The following USH2A variants were observed in gnomAD, a reference collection of about 807,000 sequenced individuals.
USH2A encodes usherin.
In USH2A, 443 loss-of-function variants were observed where a neutral mutation model predicts 538.9. The observed-to-expected ratio is 0.82, with a 90% CI of 0.76 to 0.89. USH2A has a LOEUF of 0.89. Among genes scored for constraint, USH2A ranks in the 40% least tolerant of loss-of-function variants. The pLI is 0.00. For synonymous variants in USH2A, 2,413 were observed against 2,273.5 expected (o/e 1.06, Z -1.75); for missense variants, 6,633 against 6,324.8 (o/e 1.05, Z -1.65).
In USH2A at chr1:216,196,676, G is replaced by A; in HGVS notation, c.4128C>T (p.Tyr1376=). ...GCTTCTCCCAGGAGATATTGAGAGA[G>A]TACGAAGAGAGGGGAAAGACTGAAG... ...IPPSVFPLSS[Y]SLNISWEKPA... The change falls in exon 19 of 72, where the codon TAC becomes TAT. Residue 1376 remains tyrosine (Y), a synonymous_variant. Transcript: ENST00000307340. 1 of 1,613,482 alleles carries A rather than the reference G, an allele frequency of 6.2e-7. No individual in the cohort carries two copies. Among genetic ancestry groups the A allele is most frequent in the Middle Eastern group, 1.7e-4 (1 of 6,054 alleles).
intron 47 of USH2A, among the ~76,000 whole-genome samples, chr1:215,836,464 TTATATA>T (rs1356176708): frequency 3.6e-5 from 1 of 27,914 alleles, no homozygotes; most frequent in Admixed American, 9.1e-4. Context: ...TGTATATATA[TTATATA>T]TATATATATA....
intron 57 of USH2A, 102 bp from the exon 58 acceptor site, chr1:215,758,854 C>G: frequency 7.7e-7 from 1 of 1,305,992 alleles, no homozygotes; most frequent in Non-Finnish European, 1.1e-6. Context: ...AAATTTGTGA[C>G]AAATTGCAAA....
chr1:215,859,127 T>G (rs2102433084), intron 44 of USH2A, among the ~76,000 whole-genome samples: 1 of 152,260 alleles, frequency 6.6e-6, no homozygotes, highest in South Asian at 2.1e-4. Context: ...GTCCCACTCT[T>G]ATAATCTCAT....
intron 37 of USH2A, among the ~76,000 whole-genome samples, chr1:215,948,956 G>C (rs1288830831): frequency 6.6e-6 from 1 of 152,022 alleles, no homozygotes; most frequent in East Asian, 1.9e-4. Flanking sequence ...TTCTGTTCAA[G>C]GTAAAAATGT....
At chr1:216,277,467 T>C (rs929565083) in intron 11 of USH2A, among the ~76,000 whole-genome samples, 3 of 152,162 alleles carry the variant, frequency 2.0e-5, no homozygotes, top group African/African-American at 7.2e-5. Context: ...TATTAATGGC[T>C]TGGCACCCCT....
intron 3 of USH2A, among the ~76,000 whole-genome samples, chr1:216,372,901 G>T (rs151127207): frequency 6.2e-4 from 94 of 152,226 alleles, no homozygotes; most frequent in Middle Eastern, 3.4e-3. Context: ...GAGAACAGAT[G>T]ATTTCCAAAA....
intron 14 of USH2A, among the ~76,000 whole-genome samples, chr1:216,231,261 T>TATATATATA (rs1558331830): frequency 1.2e-5 from 1 of 83,536 alleles, no homozygotes; most frequent in African/African-American, 4.1e-5. Flanking sequence ...ATATATATAA[T>TATATATATA]ATATATATAT....
chr1:216,070,184 A>T lies in USH2A; in HGVS notation c.5966T>A (p.Leu1989Gln). 1 of 1,614,038 alleles carries T rather than the reference A, an allele frequency of 6.2e-7. No homozygotes were observed. The highest frequency in any genetic ancestry group is 1.1e-5 in the South Asian group (1 of 91,088). Residue 1989 changes from leucine (L) to glutamine (Q), a missense_variant, in exon 30 of 72, where the codon CTG becomes CAG. Transcript: ENST00000307340. ...GGTGCTGTCCTCACTATAGGCTTTC[A>T]GAATGTACTTCTCAATTACACCTCT... ...VVRGVIEKYILKAYSEDSTRP... is the reference protein window; with the variant it reads ...VVRGVIEKYIQKAYSEDSTRP...
At chr1:215,813,710 T>C in intron 49 of USH2A, 26 bp downstream of exon 49, 1 of 1,613,664 alleles carries the variant, frequency 6.2e-7, no homozygotes, top group Non-Finnish European at 8.5e-7. Flanking sequence ...CCATAGTTTT[T>C]GAGTACACCT....
chr1:216,055,704 G>A (rs2030952545), intron 30 of USH2A, among the ~76,000 whole-genome samples: 1 of 152,188 alleles, frequency 6.6e-6, no homozygotes, highest in Admixed American at 6.5e-5. Context: ...TAGCCCAGGA[G>A]GGTGGGATTT....
chr1:216,170,605 A>G (rs2034258005), intron 21 of USH2A, among the ~76,000 whole-genome samples: 1 of 152,114 alleles, frequency 6.6e-6, no homozygotes, highest in African/African-American at 2.4e-5. Flanking sequence ...TCTGGATACT[A>G]CAATAGTCAA....
At chr1:216,278,693 G>A (rs1489164017) in intron 11 of USH2A, among the ~76,000 whole-genome samples, 3 of 152,060 alleles carry the variant, frequency 2.0e-5, no homozygotes, top group Non-Finnish European at 2.9e-5. Flanking sequence ...ATAAGCTAAG[G>A]AAACTTATGC....
Position 216,246,681 on chromosome 1 carries a change from A to C in USH2A, c.2713T>G (p.Leu905Val). 1.2e-6 allele frequency: 2 copies of C among 1,614,164 alleles called. No homozygotes were observed. The highest frequency in any genetic ancestry group is 1.7e-6 in the Non-Finnish European group (2 of 1,179,982). ...CAAATGGTCCCAGGTAATGTCCCCA[A>C]GGAATCACACTCACACATCTGGCAG... ...QHCQMCECDS[L>V]GTLPGTICDP... The change falls in exon 13 of 72, where the codon TTG (leucine) becomes GTG (valine). Residue 905 changes from leucine (L) to valine (V), a missense_variant. Physicochemically the swap from Leu to Val is conservative, Grantham distance 32 (BLOSUM62 1). Transcript: ENST00000307340.
intron 65 of USH2A, among the ~76,000 whole-genome samples, chr1:215,649,689 C>T (rs1296723284): frequency 6.6e-6 from 1 of 152,224 alleles, no homozygotes; most frequent in Non-Finnish European, 1.5e-5. Context: ...ACCTGACACT[C>T]TGGTCTCAGA....
chr1:216,020,606 A>T (rs1668823611), intron 32 of USH2A, among the ~76,000 whole-genome samples: 1 of 152,126 alleles, frequency 6.6e-6, no homozygotes, highest in South Asian at 2.1e-4. Context: ...TGACTGTCAG[A>T]CGGCCCCTAG....
In USH2A at chr1:216,046,436, A is replaced by G; in HGVS notation, c.6320T>C (p.Val2107Ala). 6 of 1,613,512 alleles carry G rather than the reference A, an allele frequency of 3.7e-6. No individual in the cohort carries two copies. The highest frequency in any genetic ancestry group is 5.1e-6 in the Non-Finnish European group (6 of 1,179,564). ...IYSGSEENYI[V>A]TDLAVFTPHQ... Reference sequence around the variant, plus strand: ...GATAACTCTAGAGGTCTTACCTGTGACTATGTAGTTCTCCTCACTGCCTGA... The same window carrying G: ...GATAACTCTAGAGGTCTTACCTGTGGCTATGTAGTTCTCCTCACTGCCTGA... The change falls in exon 32 of 72, where the codon GTC (valine) becomes GCC (alanine). Residue 2107 changes from valine to alanine, a missense_variant. Physicochemically the swap from Val to Ala is moderately conservative, Grantham distance 64 (BLOSUM62 0). Coordinates refer to ENST00000307340, the MANE Select transcript of USH2A (RefSeq NM_206933.4).
At chr1:215,768,710 G>A (rs1313694214) in intron 55 of USH2A, among the ~76,000 whole-genome samples, 1 of 152,192 alleles carries the variant, frequency 6.6e-6, no homozygotes, top group Non-Finnish European at 1.5e-5. Context: ...ATGAAACTCA[G>A]AGGTTGCAGT....
chr1:215,822,450 T>A (rs1663037643), intron 47 of USH2A, among the ~76,000 whole-genome samples: 1 of 151,968 alleles, frequency 6.6e-6, no homozygotes. Context: ...ATAACTGCTA[T>A]TGATTTCTGT....
At chr1:215,930,423 T>G (rs1408765118) in intron 38 of USH2A, among the ~76,000 whole-genome samples, 2 of 151,968 alleles carry the variant, frequency 1.3e-5, no homozygotes, top group Non-Finnish European at 2.9e-5. Context: ...GGTTTAAGTC[T>G]GGAGGCAAAA....
Sources: allele counts gnomAD v4.1 joint callset (sites outside exome capture counted in the v4.1 genomes callset), GRCh38; gene constraint gnomAD v4.1.1; transcripts MANE v1.5; gene names NCBI Gene and HGNC (gene_info 2026-07-23, HGNC 2026-07-21).